SPG11: variants seen among roughly 807,000 people sequenced by gnomAD.
The protein encoded by SPG11 is SPG11 vesicle trafficking associated, spatacsin.
A neutral mutation model predicts 274.0 loss-of-function variants in SPG11; 222 were observed. That is an observed-to-expected ratio of 0.81 (90% CI 0.73 to 0.91). SPG11 has a LOEUF of 0.91. Ranked by LOEUF, SPG11 falls within the 40% of genes least tolerant of loss-of-function variation. The probability of loss-of-function intolerance (pLI) is 0.00; values close to 1 mark genes in which losing one functional copy is unlikely to be tolerated. For missense variants in SPG11, 3,114 were observed against 2,872.7 expected (o/e 1.08, Z -1.92); for synonymous variants, 1,144 against 1,039.7 (o/e 1.10, Z -1.93).
In SPG11 at chr15:44,600,638, G is replaced by A. The variant is rs201569886; in HGVS notation, c.3521-6C>T. ...TGGGAGATGACTCCATGCATCTAGG[G>A]GGAAAGTAAAACAATATTAATTATC... On this transcript the variant is annotated splice_polypyrimidine_tract_variant and splice_region_variant and intron_variant, in intron 20 of 39. Coordinates refer to ENST00000261866, the MANE Select transcript of SPG11 (RefSeq NM_025137.4). 3 of 1,613,254 alleles carry A rather than the reference G, an allele frequency of 1.9e-6. No individual in the cohort carries two copies. The highest frequency in any genetic ancestry group is 2.2e-5 in the East Asian group (1 of 44,864).
At chr15:44,660,686 G>T in intron 1 of SPG11, 70 bp from the exon 2 acceptor site, 5 of 1,422,450 alleles carry the variant, frequency 3.5e-6, no homozygotes, top group Non-Finnish European at 4.9e-6. Flanking sequence ...GGTGGGGGTA[G>T]AAGGGTTGAA....
intron 27 of SPG11, among the ~76,000 whole-genome samples, chr15:44,591,156 T>C (rs1003420745): frequency 3.3e-5 from 5 of 152,228 alleles, no homozygotes; most frequent in Non-Finnish European, 5.9e-5. Flanking sequence ...AAAAAGATCA[T>C]TTTGCTTTTG....
chr15:44,649,072 G>A (rs1358715624), intron 6 of SPG11, 61 bp from the exon 7 acceptor site: 2 of 1,399,076 alleles, frequency 1.4e-6, no homozygotes, highest in East Asian at 4.7e-5. Context: ...TTATGATTTA[G>A]GAATTGATTT....
chr15:44,629,900 G>A (rs947419390), intron 8 of SPG11, among the ~76,000 whole-genome samples: 11 of 152,090 alleles, frequency 7.2e-5, no homozygotes, highest in African/African-American at 1.4e-4. Flanking sequence ...GTGAAACCCC[G>A]CCTCTACTAA....
chr15:44,620,657 C>T, intron 14 of SPG11: 1 of 421,980 alleles, frequency 2.4e-6, no homozygotes, highest in Non-Finnish European at 4.3e-6. Context: ...ACTTCAGCTG[C>T]CCAAGTAGCA....
rs2082923534 is a variant in SPG11, at chr15:44,592,380, T to C, written c.4694A>G (p.Tyr1565Cys). 1.9e-6 allele frequency: 3 copies of C among 1,612,992 alleles called. No homozygotes were observed. The highest frequency in any genetic ancestry group is 2.5e-6 in the Non-Finnish European group (3 of 1,178,936). ...CAGAAGTTTAGCTTCAGCTTCTTTA[T>C]AATTCCTGAAGAACATACACAGTTC... ...MYELCMFFRN[Y>C]KEAEAKLLEF... The change falls in exon 27 of 40, where the codon TAT becomes TGT. Residue 1565 changes from tyrosine to cysteine, a missense_variant. Physicochemically the swap from Tyr to Cys is radical, Grantham distance 194 (BLOSUM62 -2). Transcript: ENST00000261866.
At chr15:44,627,586 G>A (rs1331062289) in intron 10 of SPG11, among the ~76,000 whole-genome samples, 1 of 151,616 alleles carries the variant, frequency 6.6e-6, no homozygotes, top group Admixed American at 6.6e-5. Context: ...AGAAGGAAAA[G>A]TAAGTAATTT....
rs2140999546 is a variant in SPG11, at chr15:44,608,483, A to C, written c.3414T>G (p.Ser1138Arg). ...TALFPQCTPP[S>R]VLPSDITIYH... ...AGATTGTAATATCAGATGGCAGGAC[A>C]CTAGGAGGAGTGCACTGTGGGAAGA... Residue 1138 changes from serine (S) to arginine (R), a missense_variant, in exon 19 of 40, where the codon AGT becomes AGG. Physicochemically the swap from Ser to Arg is moderately radical, Grantham distance 110. Transcript: ENST00000261866. 6.2e-7 allele frequency: 1 copy of C among 1,614,160 alleles called. No homozygotes were observed. Among genetic ancestry groups the C allele is most frequent in the Non-Finnish European group, 8.5e-7 (1 of 1,180,024 alleles).
intron 33 of SPG11, among the ~76,000 whole-genome samples, chr15:44,571,021 C>A (rs1323522261): frequency 4.6e-5 from 7 of 152,140 alleles, no homozygotes; most frequent in Non-Finnish European, 1.5e-5. Context: ...CTGCTTGTAT[C>A]CCAGCAAAAG....
At chr15:44,575,731 C>T (rs1440626258) in intron 30 of SPG11, among the ~76,000 whole-genome samples, 2 of 152,108 alleles carry the variant, frequency 1.3e-5, no homozygotes, top group Non-Finnish European at 2.9e-5. Flanking sequence ...CTGGCCTCAA[C>T]TGATGCATTT....
chr15:44,659,353 A>T, intron 2 of SPG11, 50 bp from the exon 3 acceptor site: 5 of 1,468,948 alleles, frequency 3.4e-6, no homozygotes, highest in Non-Finnish European at 4.8e-6. Context: ...CAATTTTACA[A>T]CTGGTACATT....
Position 44,606,027 on chromosome 15 carries a change from C to G in SPG11, c.3518G>C (p.Gly1173Ala), listed in dbSNP as rs1489560880. ...AAGAAGTACCCATGATGACTTACCT[C>G]CTATAGCTAGTGTGTTAGCAGACTG... ...GWQSANTLAI[G>A]DAWSHLPHFS... The change falls in exon 20 of 40, where the codon GGA (glycine) becomes GCA (alanine). Residue 1173 changes from glycine to alanine, a missense_variant and splice_region_variant. Transcript: ENST00000261866. The G allele has an allele frequency of 1.2e-6, 2 of 1,613,504 alleles. No homozygotes were observed. The highest frequency in any genetic ancestry group is 1.7e-6 in the Non-Finnish European group (2 of 1,179,582).
At position 44,651,748 on chromosome 15, in the gene SPG11, T is replaced by A; in HGVS notation, c.1199A>T (p.Gln400Leu). The A allele has an allele frequency of 1.2e-6, 2 of 1,614,248 alleles. No homozygotes were observed. Among genetic ancestry groups the A allele is most frequent in the South Asian group, 2.2e-5 (2 of 91,090 alleles). The change falls in exon 6 of 40, where the codon CAG becomes CTG. Residue 400 changes from glutamine (Q) to leucine (L), a missense_variant. Coordinates refer to ENST00000261866, the MANE Select transcript of SPG11 (RefSeq NM_025137.4). ...DIMHGQYNVL[Q>L]KDHAKTSDPG... is the part of the protein sequence containing the mutation. ...ATCACTGGTCTTGGCATGATCTTTC[T>A]GTAGAACATTATATTGCCCATGCAT...
Position 44,636,949 on chromosome 15 carries a change from A to C in SPG11, c.1603-3312T>G, listed in dbSNP as rs1250805485. Among the ~76,000 whole-genome samples, 64 of 130,238 alleles carry C rather than the reference A, an allele frequency of 4.9e-4. 1 individual carries two copies. Among genetic ancestry groups the C allele is most frequent in the East Asian group, 6.4e-4 (2 of 3,118 alleles). 85.4% of individuals were successfully genotyped at this position (130,238 alleles called of 152,430 possible). A position where few individuals can be genotyped will look rare whatever the true frequency, so the allele number is the denominator to read the frequency against. ...TCAAAAAAAAAAAAAAAAAAAAAAA[A>C]AAAAAAAACAAAAAAAAAACACAAA... On this transcript the variant is annotated intron_variant, in intron 7 of 39. Coordinates refer to ENST00000261866, the MANE Select transcript of SPG11 (RefSeq NM_025137.4).
rs1437568114 is a variant in SPG11, at chr15:44,663,596, C to T, written c.52G>A (p.Gly18Ser). Residue 18 changes from glycine (G) to serine (S), a missense_variant, in exon 1 of 40, where the codon GGC (glycine) becomes AGC (serine). Transcript: ENST00000261866. ...AGAACCCGCCCCATGGCCGCGGTGC[C>T]CCAGCTACCGCCGGCGGAAGCAGCA... ...ASAASAGGSW[G>S]TAAMGRVLPM... 6.3e-7 allele frequency: 1 copy of T among 1,596,682 alleles called. No homozygotes were observed. Among genetic ancestry groups the T allele is most frequent in the East Asian group, 2.2e-5 (1 of 44,486 alleles).
chr15:44,578,019 CTTTTTTTTT>C (rs1179057683), intron 30 of SPG11, among the ~76,000 whole-genome samples: 1 of 117,570 alleles, frequency 8.5e-6, no homozygotes, highest in Non-Finnish European at 1.8e-5. Context: ...GCCTTCTTTC[CTTTTTTTTT>C]TTTTTTTTTT....
At position 44,595,429 on chromosome 15, in the gene SPG11, A is replaced by C; in HGVS notation, c.4465T>G (p.Trp1489Gly). 1 of 1,614,246 alleles carries C rather than the reference A, an allele frequency of 6.2e-7. No homozygotes were observed. Among genetic ancestry groups the C allele is most frequent in the Non-Finnish European group, 8.5e-7 (1 of 1,180,044 alleles). ...GASAISCLCV[W>G]IITSVEDNVA... Reference sequence around the variant, plus strand: ...TTGTCCTCCACAGAAGTGATGATCCAAACACAGAGACAAGAAATGGCACTG... The same window carrying C: ...TTGTCCTCCACAGAAGTGATGATCCCAACACAGAGACAAGAAATGGCACTG... The change falls in exon 26 of 40, where the codon TGG becomes GGG. Residue 1489 changes from tryptophan to glycine, a missense_variant. By Grantham distance (184) the Trp-to-Gly change is radical. Coordinates refer to ENST00000261866, the MANE Select transcript of SPG11 (RefSeq NM_025137.4).
At position 44,622,312 on chromosome 15, in the gene SPG11, T is replaced by C. The variant is rs762250103; in HGVS notation, c.2352A>G (p.Glu784=). The stretch of plus-strand genomic sequence containing the variant: ...CGAAGTCTATAGTTCTTTTCTCTTT[T>C]TCAGAAAAATAATTTTTTTCTTTTA... ...EILKEKNYFS[E]KEKRTIDFVH... The change falls in exon 13 of 40, where the codon GAA becomes GAG. Residue 784 remains glutamate, a synonymous_variant. Transcript: ENST00000261866. The C allele has an allele frequency of 6.4e-7, 1 of 1,562,022 alleles. No homozygotes were observed. Among genetic ancestry groups the C allele is most frequent in the Admixed American group, 1.8e-5 (1 of 56,678 alleles).
intron 7 of SPG11, among the ~76,000 whole-genome samples, chr15:44,646,120 C>T (rs2084601476): frequency 6.6e-6 from 1 of 152,166 alleles, no homozygotes. Context: ...CCCAGCAATC[C>T]CATTATTGGG....
Sources: gnomAD v4.1 joint callset for allele counts (sites outside exome capture counted in the v4.1 genomes callset) on GRCh38, gnomAD v4.1.1 for gene constraint, MANE v1.5 for transcripts, NCBI Gene and HGNC (gene_info 2026-07-23, HGNC 2026-07-21) for gene names.